Variants in AP1G1 observed in about 807,000 individuals in gnomAD.
AP1G1 encodes the protein adaptor related protein complex 1 subunit gamma 1, also known as AP-1 complex subunit gamma-1.
In AP1G1, 7 loss-of-function variants were observed where a neutral mutation model predicts 108.3. The ratio of observed to expected loss-of-function variants is 0.06; its 90% CI spans 0.04 to 0.12. The LOEUF (loss-of-function observed/expected upper bound fraction) is 0.12, where lower values mean the gene tolerates loss of function less well. Among genes scored for constraint, AP1G1 ranks in the 10% least tolerant of loss-of-function variants. The probability of loss-of-function intolerance (pLI) is 1.00; values close to 1 mark genes in which losing one functional copy is unlikely to be tolerated. For missense variants in AP1G1, 756 were observed against 1,010.7 expected (o/e 0.75, Z 3.42); for synonymous variants, 379 against 353.5 (o/e 1.07, Z -0.81).
At chr16:71,802,043 AAT>A (rs1463528188) in intron 1 of AP1G1, among the ~76,000 whole-genome samples, 5 of 152,184 alleles carry the variant, frequency 3.3e-5, no homozygotes, top group Admixed American at 6.6e-5. Context: ...AAAAATCCAA[AAT>A]ATGAAACATT....
intron 10 of AP1G1, among the ~76,000 whole-genome samples, chr16:71,760,412 G>A (rs2031026001): frequency 2.0e-5 from 3 of 151,916 alleles, no homozygotes; most frequent in African/African-American, 4.8e-5. Flanking sequence ...GGGCGTGGTG[G>A]CGTTCGCCTG....
intron 1 of AP1G1, among the ~76,000 whole-genome samples, chr16:71,799,197 C>T (rs2032695963): frequency 6.6e-6 from 1 of 151,992 alleles, no homozygotes; most frequent in South Asian, 2.1e-4. Context: ...GAAGTTACTG[C>T]TATTTGGGAT....
At chr16:71,753,979 C>T (rs1434169868) in intron 12 of AP1G1, 92 bp from the exon 13 acceptor site, 3 of 1,201,320 alleles carry the variant, frequency 2.5e-6, no homozygotes, top group African/African-American at 1.5e-5. Context: ...GTGACTCACA[C>T]CTGTCATCCC....
chr16:71,789,338 G>A lies in AP1G1; in HGVS notation c.142C>T (p.Arg48Trp), dbSNP rs2032316923. 2.5e-6 allele frequency: 4 copies of A among 1,614,196 alleles called. No homozygotes were observed. Among genetic ancestry groups the A allele is most frequent in the Non-Finnish European group, 3.4e-6 (4 of 1,180,040 alleles). The change falls in exon 2 of 23, where the codon CGG becomes TGG. Residue 48 changes from arginine to tryptophan, a missense_variant. Transcript: ENST00000299980. ...FREEDNTYRCRNVAKLLYMHM... is the reference protein window; with the variant it reads ...FREEDNTYRCWNVAKLLYMHM... ...ATATACAGTAATTTTGCCACATTCC[G>A]ACATCGGTATGTATTGTCTTCTTCT...
intron 1 of AP1G1, among the ~76,000 whole-genome samples, chr16:71,793,870 A>G (rs13337119): frequency 1.3e-5 from 2 of 151,972 alleles, no homozygotes; most frequent in African/African-American, 2.4e-5. Flanking sequence ...CCACCACACC[A>G]GGCTGACTGG....
intron 6 of AP1G1, chr16:71,766,464 G>C (rs765849690): frequency 6.5e-6 from 3 of 463,734 alleles, no homozygotes; most frequent in South Asian, 4.8e-5. Flanking sequence ...TCAATTACTT[G>C]ATATTAAAAC....
intron 11 of AP1G1, 21 bp downstream of exon 11, chr16:71,758,787 G>T: frequency 6.9e-7 from 1 of 1,444,330 alleles, no homozygotes; most frequent in South Asian, 1.2e-5. Flanking sequence ...ACTAGACTGA[G>T]AAAGGCTCTC....
At chr16:71,789,656 C>T (rs2032326658) in intron 1 of AP1G1, among the ~76,000 whole-genome samples, 174 bp from the exon 2 acceptor site, 1 of 152,162 alleles carries the variant, frequency 6.6e-6, no homozygotes, top group Admixed American at 6.5e-5. Flanking sequence ...TACATACAGA[C>T]CTCTCAACTC....
At chr16:71,758,134 T>A (rs1356665049) in intron 11 of AP1G1, among the ~76,000 whole-genome samples, 1 of 152,248 alleles carries the variant, frequency 6.6e-6, no homozygotes, top group African/African-American at 2.4e-5. Flanking sequence ...TAAATGTTTG[T>A]TAACTGAATG....
At chr16:71,783,107 G>A (rs760928161) in intron 2 of AP1G1, among the ~76,000 whole-genome samples, 1 of 152,152 alleles carries the variant, frequency 6.6e-6, no homozygotes, top group Non-Finnish European at 1.5e-5. Context: ...TCCTTAATGT[G>A]AGAAAGCGTG....
At chr16:71,799,933 T>A (rs980879628) in intron 1 of AP1G1, among the ~76,000 whole-genome samples, 3 of 128,786 alleles carry the variant, frequency 2.3e-5, no homozygotes, top group Non-Finnish European at 5.0e-5. Context: ...AATAAAAAAT[T>A]ATATTGGCTG....
intron 3 of AP1G1, among the ~76,000 whole-genome samples, chr16:71,773,709 G>A (rs940683420): frequency 1.7e-4 from 26 of 152,194 alleles, no homozygotes; most frequent in African/African-American, 5.1e-4. Flanking sequence ...TTCAGAGGCC[G>A]AGGCAAGTGG....
rs779352667 is a variant in AP1G1 at position 71,749,918 on chromosome 16, C to T, written c.1473G>A (p.Gln491=). 1.2e-6 allele frequency: 2 copies of T among 1,611,988 alleles called. No individual in the cohort carries two copies. Among genetic ancestry groups the T allele is most frequent in the Non-Finnish European group, 1.7e-6 (2 of 1,178,056 alleles). ...CCTGAATAGGCTCTTCCTCTTCACA[C>T]TGGCCAGATACAAGAAGATCACCAT... is the stretch of plus-strand genomic sequence containing the variant. ...GEYGDLLVSG[Q]CEEEEPIQVT... is the part of the protein sequence containing the mutation. The change falls in exon 15 of 23, where the codon CAG becomes CAA. Residue 491 remains glutamine (Q), a synonymous_variant. Coordinates refer to ENST00000299980, the MANE Select transcript of AP1G1 (RefSeq NM_001128.6).
chr16:71,746,226 G>A (rs1394478196), intron 17 of AP1G1, among the ~76,000 whole-genome samples: 1 of 152,226 alleles, frequency 6.6e-6, no homozygotes. Context: ...TGGCCAGGAT[G>A]GTCTCGATCT....
Position 71,764,683 on chromosome 16 carries a change from T to C in AP1G1, c.782A>G (p.Asp261Gly). 1 of 1,611,790 alleles carries C rather than the reference T, an allele frequency of 6.2e-7. No homozygotes were observed. ...RLLRILGRND[D>G]DSSEAMNDIL... is the part of the protein sequence containing the mutation. Reference sequence around the variant, plus strand: ...ATCATTCATAGCTTCACTTGAATCATCATCATTTCGTCCTAAAATTCTTAA... The same window carrying C: ...ATCATTCATAGCTTCACTTGAATCACCATCATTTCGTCCTAAAATTCTTAA... Residue 261 changes from aspartate to glycine, a missense_variant, in exon 8 of 23, where the codon GAT becomes GGT. Asp to Gly is a moderately conservative substitution (Grantham distance 94). This residue lies in a region of AP1G1 where 304 missense variants were observed against 483.6 expected (regional missense o/e 0.63). Coordinates refer to ENST00000299980, the MANE Select transcript of AP1G1 (RefSeq NM_001128.6).
intron 2 of AP1G1, among the ~76,000 whole-genome samples, chr16:71,783,818 C>T (rs190977312): frequency 6.6e-6 from 1 of 152,068 alleles, no homozygotes; most frequent in Non-Finnish European, 1.5e-5. Flanking sequence ...TATGGAAATT[C>T]TTTTTTCTTT....
intron 2 of AP1G1, 52 bp from the exon 3 acceptor site, chr16:71,774,644 C>T: frequency 6.5e-7 from 1 of 1,529,486 alleles, no homozygotes; most frequent in Non-Finnish European, 8.7e-7. Context: ...CTACCACAAT[C>T]TAGAAAAGCA....
At chr16:71,786,874 G>A (rs1368980087) in intron 2 of AP1G1, among the ~76,000 whole-genome samples, 6 of 152,046 alleles carry the variant, frequency 3.9e-5, no homozygotes, top group Non-Finnish European at 7.4e-5. Context: ...ATGAGCCTGA[G>A]CAACACAGCA....
chr16:71,803,180 C>T (rs2142286748), intron 1 of AP1G1, among the ~76,000 whole-genome samples: 1 of 152,120 alleles, frequency 6.6e-6, no homozygotes, highest in East Asian at 1.9e-4. Flanking sequence ...CACCACTGCA[C>T]TCCAGCCTGG....
Sources: gnomAD v4.1 joint callset for allele counts (sites outside exome capture counted in the v4.1 genomes callset) on GRCh38, gnomAD v4.1.1 for gene constraint, gnomAD v4.1.1 regional missense constraint, MANE v1.5 for transcripts, NCBI Gene and HGNC (gene_info 2026-07-23, HGNC 2026-07-21) for gene names.